MSRA: variants seen among roughly 807,000 people sequenced by gnomAD.
MSRA encodes mitochondrial peptide methionine sulfoxide reductase.
A neutral mutation model predicts 31.3 loss-of-function variants in MSRA; 54 were observed. That is an observed-to-expected ratio of 1.73 (90% CI 1.39 to 2.17). The LOEUF (loss-of-function observed/expected upper bound fraction) is 2.17, where lower values mean the gene tolerates loss of function less well. Among genes scored for constraint, MSRA ranks in the 30% most tolerant of loss-of-function variants. The pLI is 0.00. For synonymous variants in MSRA, 169 were observed against 116.5 expected, an observed-to-expected ratio of 1.45 and a Z score of -2.90; for missense variants, 507 against 300.9, an observed-to-expected ratio of 1.69 and a Z score of -5.07.
intron 1 of MSRA, among the ~76,000 whole-genome samples, chr8:10,173,909 G>A (rs994644414): frequency 2.6e-5 from 4 of 152,188 alleles, no homozygotes; most frequent in Non-Finnish European, 5.9e-5. Flanking sequence ...TGAGGACCTG[G>A]GCTAATGGTC....
At chr8:10,095,415 C>G (rs1222745877) in intron 1 of MSRA, 1 of 947,048 alleles carries the variant, frequency 1.1e-6, no homozygotes, top group Non-Finnish European at 1.3e-6. Context: ...GATTTGGGTA[C>G]CGTACCACGG....
chr8:10,152,148 C>A (rs867046553), intron 1 of MSRA, among the ~76,000 whole-genome samples: 21 of 152,000 alleles, frequency 1.4e-4, no homozygotes, highest in Admixed American at 6.6e-5. Context: ...GTGGAAAATC[C>A]CCTTGAAAAA....
chr8:10,393,577 G>T (rs1198646550), intron 5 of MSRA, among the ~76,000 whole-genome samples: 4 of 152,192 alleles, frequency 2.6e-5, no homozygotes, highest in African/African-American at 7.2e-5. Context: ...CTGCCTGGCA[G>T]CCATATCAAC....
At chr8:10,408,767 C>G (rs1807976976) in intron 5 of MSRA, among the ~76,000 whole-genome samples, 3 of 107,754 alleles carry the variant, frequency 2.8e-5, no homozygotes, top group African/African-American at 7.3e-5. Flanking sequence ...TCTCCAGTAA[C>G]TATTATGTTC....
At position 10,054,414 on chromosome 8, in the gene MSRA, G is replaced by GCCC; in HGVS notation, c.-99_-97dup. 4.4e-6 allele frequency: 1 copy of GCCC among 229,082 alleles called. No individual in the cohort carries two copies. The highest frequency in any genetic ancestry group is 6.9e-6 in the Non-Finnish European group (1 of 144,500). The allele number at this position is 229,082 out of a possible 1,614,324, so 14.2% of individuals were successfully genotyped here. On this transcript the variant is annotated 5_prime_UTR_variant, in exon 1 of 6. Transcript: ENST00000317173. ...GCGCCCGCCCGCCCGCGCCCCTGCC[G>GCCC]CCCCCCGGTTCCGGCCGCGGACCCC...
intron 1 of MSRA, among the ~76,000 whole-genome samples, chr8:10,080,458 C>T (rs961645693): frequency 6.6e-6 from 1 of 151,996 alleles, no homozygotes; most frequent in Non-Finnish European, 1.5e-5. Context: ...GTTCTTTCCA[C>T]AGGACTGCAC....
intron 5 of MSRA, among the ~76,000 whole-genome samples, chr8:10,417,419 G>GACAC (rs1184991397): frequency 0.055 from 7,996 of 145,414 alleles, 619 homozygotes; most frequent in African/African-American, 0.17. Context: ...TTCGTCAGAA[G>GACAC]ACACACACAC....
intron 5 of MSRA, among the ~76,000 whole-genome samples, chr8:10,339,832 C>T (rs1298555265): frequency 2.6e-5 from 4 of 152,102 alleles, no homozygotes; most frequent in African/African-American, 7.2e-5. Flanking sequence ...TGAGCCACCA[C>T]GCCCGGCAGC....
intron 3 of MSRA, among the ~76,000 whole-genome samples, chr8:10,300,180 C>G (rs1416657999): frequency 6.6e-6 from 1 of 151,798 alleles, no homozygotes; most frequent in African/African-American, 2.4e-5. Context: ...CTGGTAGGCA[C>G]CCAGGAAGAG....
Position 10,089,086 on chromosome 8 carries a change from A to G in MSRA, c.142+34428A>G, listed in dbSNP as rs549721495. 2.6e-5 allele frequency among the ~76,000 whole-genome samples: 4 copies of G among 152,264 alleles called. No homozygotes were observed. The South Asian group carries it at 8.3e-4, about 32-fold the overall frequency. Reference sequence around the variant, plus strand: ...AATGTACATCATGACTAAAGTTAATAAAATTGTATTAGGGATTTTTGTTAA... The same window carrying G: ...AATGTACATCATGACTAAAGTTAATGAAATTGTATTAGGGATTTTTGTTAA... On this transcript the variant is annotated intron_variant, in intron 1 of 5. Transcript: ENST00000317173.
At chr8:10,384,665 C>T (rs868827097) in intron 5 of MSRA, among the ~76,000 whole-genome samples, 1 of 152,170 alleles carries the variant, frequency 6.6e-6, no homozygotes, top group Non-Finnish European at 1.5e-5. Context: ...AGAACTGTTG[C>T]ACTAGCGGAA....
chr8:10,332,936 A>G (rs1159847583), intron 5 of MSRA, among the ~76,000 whole-genome samples: 1 of 152,228 alleles, frequency 6.6e-6, no homozygotes, highest in Non-Finnish European at 1.5e-5. Flanking sequence ...GCAGGATATG[A>G]GTCCCTGGGT....
At chr8:10,309,815 A>T (rs1563335409) in intron 4 of MSRA, among the ~76,000 whole-genome samples, 1 of 152,164 alleles carries the variant, frequency 6.6e-6, no homozygotes, top group Non-Finnish European at 1.5e-5. Context: ...CAGTCACCAC[A>T]AAGCCCTGCT....
chr8:10,235,735 C>T lies in MSRA; in HGVS notation c.212-9369C>T, dbSNP rs536440206. Among the ~76,000 whole-genome samples, 70 of 152,134 alleles carry T rather than the reference C, an allele frequency of 4.6e-4. 1 individual carries two copies. Among genetic ancestry groups the T allele is most frequent in the South Asian group, 2.9e-3 (14 of 4,820 alleles). On this transcript the variant is annotated intron_variant, in intron 2 of 5. Coordinates refer to ENST00000317173, the MANE Select transcript of MSRA (RefSeq NM_012331.5). Reference sequence around the variant, plus strand: ...TTCAGGAAATTTTATTGTAACTTCACGGAACAAATAATTTTTTTTCTAATG... The same window carrying T: ...TTCAGGAAATTTTATTGTAACTTCATGGAACAAATAATTTTTTTTCTAATG...
chr8:10,202,406 G>A (rs1304033567), intron 1 of MSRA, among the ~76,000 whole-genome samples: 3 of 152,200 alleles, frequency 2.0e-5, no homozygotes, highest in Admixed American at 2.0e-4. Context: ...GCAATATATA[G>A]TGTGGGGGAT....
At chr8:10,330,905 G>A (rs948191165) in intron 5 of MSRA, among the ~76,000 whole-genome samples, 1 of 152,202 alleles carries the variant, frequency 6.6e-6, no homozygotes, top group African/African-American at 2.4e-5. Context: ...TCTACCCCCA[G>A]TGTGATGGTG....
intron 5 of MSRA, among the ~76,000 whole-genome samples, chr8:10,338,586 T>C (rs1001055064): frequency 3.9e-5 from 6 of 152,198 alleles, no homozygotes; most frequent in African/African-American, 1.4e-4. Flanking sequence ...TATTAAAACA[T>C]CATGCACTCC....
chr8:10,185,283 A>G (rs775625929), intron 1 of MSRA, among the ~76,000 whole-genome samples: 1 of 152,174 alleles, frequency 6.6e-6, no homozygotes, highest in Non-Finnish European at 1.5e-5. Context: ...ATTATAAATT[A>G]CTCTGAGTCC....
intron 1 of MSRA, among the ~76,000 whole-genome samples, chr8:10,175,439 T>C (rs1347934246): frequency 6.6e-6 from 1 of 152,236 alleles, no homozygotes; most frequent in Non-Finnish European, 1.5e-5. Context: ...GTGTCAAGAA[T>C]GTAACACAGG....
Sources: gnomAD v4.1 joint callset for allele counts (sites outside exome capture counted in the v4.1 genomes callset) on GRCh38, gnomAD v4.1.1 for gene constraint, MANE v1.5 for transcripts, NCBI Gene and HGNC (gene_info 2026-07-23, HGNC 2026-07-21) for gene names.